ADAMTS4: variants seen among roughly 807,000 people sequenced by gnomAD.
The protein encoded by ADAMTS4 is ADAM metallopeptidase with thrombospondin type 1 motif 4, also known as A disintegrin and metalloproteinase with thrombospondin motifs 4.
In ADAMTS4, 38 loss-of-function variants were observed where a neutral mutation model predicts 66.7. The ratio of observed to expected loss-of-function variants is 0.57; its 90% CI spans 0.44 to 0.75. The LOEUF (loss-of-function observed/expected upper bound fraction) is 0.75, where lower values mean the gene tolerates loss of function less well. ADAMTS4 is among the 30% of genes least tolerant of loss of function. The pLI, the probability that ADAMTS4 is intolerant of heterozygous loss-of-function variation, is 0.00. For missense variants in ADAMTS4, 1,014 were observed against 1,116.7 expected (o/e 0.91, Z 1.31); for synonymous variants, 418 against 461.5 (o/e 0.91, Z 1.21).
chr1:161,197,900 C>A, intron 1 of ADAMTS4, 95 bp downstream of exon 1: 1 of 1,494,232 alleles, frequency 6.7e-7, no homozygotes, highest in South Asian at 1.4e-5. Flanking sequence ...GCAGAACGGC[C>A]AGAAGTGTAA....
Position 161,198,331 on chromosome 1 carries a change from G to A in ADAMTS4, c.297C>T (p.Asp99=). 2 of 1,613,300 alleles carry A rather than the reference G, an allele frequency of 1.2e-6. No homozygotes were observed. Among genetic ancestry groups the A allele is most frequent in the Non-Finnish European group, 1.7e-6 (2 of 1,180,006 alleles). ...TCAGCCCCTCGACCTGCACACCGGA[G>A]TCCTGCTCCAGCTCTAGTAGCAGCG... ...GETLLLELEQ[D]SGVQVEGLTV... The change falls in exon 1 of 9, where the codon GAC becomes GAT. Residue 99 remains aspartate, a synonymous_variant. Coordinates refer to ENST00000367996, the MANE Select transcript of ADAMTS4 (RefSeq NM_005099.6). The surrounding 1 kb of genome is among the most constrained non-coding windows in gnomAD (Gnocchi z 4.7).
intron 7 of ADAMTS4, 57 bp from the exon 8 acceptor site, chr1:161,192,297 T>G: frequency 3.2e-5 from 49 of 1,548,994 alleles, no homozygotes; most frequent in Non-Finnish European, 4.1e-5. Context: ...AAGGGGTTGG[T>G]AAATCAAACG....
rs765152157 is a variant in ADAMTS4, at chr1:161,195,541, C to T, written c.1185G>A (p.Met395Ile). 5.2e-5 allele frequency: 84 copies of T among 1,613,902 alleles called. No homozygotes were observed. Among genetic ancestry groups the T allele is most frequent in the Non-Finnish European group, 6.9e-5 (82 of 1,179,950 alleles). Residue 395 changes from methionine (M) to isoleucine (I), a missense_variant, in exon 4 of 9, where the codon ATG (methionine) becomes ATA (isoleucine). Met to Ile is a conservative substitution (Grantham distance 10). Coordinates refer to ENST00000367996, the MANE Select transcript of ADAMTS4 (RefSeq NM_005099.6). ...AGGGCTCCTCAGGATCCACATGAGC[C>T]ATCACAGGGGCCATGACATGGCGAG... ...STSRHVMAPV[M>I]AHVDPEEPWS...
intron 1 of ADAMTS4, 72 bp from the exon 2 acceptor site, chr1:161,196,952 C>T: frequency 7.4e-7 from 1 of 1,355,490 alleles, no homozygotes; most frequent in Non-Finnish European, 1.0e-6. Flanking sequence ...TTCTCCAATC[C>T]CTCACTTCCT....
chr1:161,196,301 G>C lies in ADAMTS4; in HGVS notation c.960C>G (p.Asp320Glu). The stretch of plus-strand genomic sequence containing the variant: ...TGTCGCAAGTGGAGACTCCACACAG[G>C]TCCTGTGGAGAGGGATCATAGAAGG... ...FDTAILFTRQ[D>E]LCGVSTCDTL... Residue 320 changes from aspartate to glutamate, a missense_variant and splice_region_variant, in exon 3 of 9, where the codon GAC becomes GAG. Physicochemically the swap from Asp to Glu is conservative, Grantham distance 45 (BLOSUM62 2). Transcript: ENST00000367996. 1 of 1,607,760 alleles carries C rather than the reference G, an allele frequency of 6.2e-7. No individual in the cohort carries two copies. Among genetic ancestry groups the C allele is most frequent in the Non-Finnish European group, 8.5e-7 (1 of 1,177,054 alleles).
At position 161,191,504 on chromosome 1, in the gene ADAMTS4, C is replaced by A. The variant is rs778890470; in HGVS notation, c.2148G>T (p.Gln716His). The A allele has an allele frequency of 1.9e-6, 3 of 1,614,040 alleles. No homozygotes were observed. Among genetic ancestry groups the A allele is most frequent in the Non-Finnish European group, 2.5e-6 (3 of 1,179,920 alleles). Residue 716 changes from glutamine (Q) to histidine (H), a missense_variant, in exon 9 of 9, where the codon CAG becomes CAT. By Grantham distance (24) the Gln-to-His change is conservative (BLOSUM62 0). Coordinates refer to ENST00000367996, the MANE Select transcript of ADAMTS4 (RefSeq NM_005099.6). ...TGCTCCGGTGGCCAGGGTTTCCCTG[C>A]TGCCGGACAAGAATGTGGGTGGCCC... ...PAGATHILVR[Q>H]QGNPGHRSIY...
chr1:161,196,859 A>T lies in ADAMTS4; in HGVS notation c.655T>A (p.Phe219Ile). The T allele has an allele frequency of 6.2e-7, 1 of 1,604,674 alleles. No individual in the cohort carries two copies. The highest frequency in any genetic ancestry group is 2.2e-5 in the East Asian group (1 of 44,836). Residue 219 changes from phenylalanine (F) to isoleucine (I), a missense_variant, in exon 2 of 9, where the codon TTT (phenylalanine) becomes ATT (isoleucine). Physicochemically the swap from Phe to Ile is conservative, Grantham distance 21. Transcript: ENST00000367996. ...RAKRFASLSRFVETLVVADDK... is the reference protein window; with the variant it reads ...RAKRFASLSRIVETLVVADDK... The stretch of plus-strand genomic sequence containing the variant: ...TCTGCCACCACCAGTGTCTCCACAA[A>T]TCTACTCAGTGAAGCAAAGCGCTGT...
At position 161,194,188 on chromosome 1, in the gene ADAMTS4, A is replaced by C; in HGVS notation, c.1295T>G (p.Leu432Trp). Residue 432 changes from leucine (L) to tryptophan (W), a missense_variant, in exon 5 of 9, where the codon TTG becomes TGG. Physicochemically the swap from Leu to Trp is moderately conservative, Grantham distance 61. Transcript: ENST00000367996. The surrounding 1 kb of genome is among the most constrained non-coding windows in gnomAD (Gnocchi z 4.1). ...GCCAGGGAAAGTCACAGGCAGATGC[A>C]ATGGAGCCTCTGGTTTGTCTAAGAG... ...HCLLDKPEAP[L>W]HLPVTFPGKD... 6.2e-7 allele frequency: 1 copy of C among 1,614,100 alleles called. No homozygotes were observed. The highest frequency in any genetic ancestry group is 8.5e-7 in the Non-Finnish European group (1 of 1,180,010).
rs773491917 is a variant in ADAMTS4, at chr1:161,194,110, C to T, written c.1373G>A (p.Arg458His). 2.8e-5 allele frequency: 46 copies of T among 1,614,098 alleles called. No individual in the cohort carries two copies. The highest frequency in any genetic ancestry group is 3.8e-5 in the Non-Finnish European group (45 of 1,180,042). The part of the protein sequence containing the change: ...QCQLTFGPDS[R>H]HCPQLPPPCA... ...GGGCGGCGGCAGCTGTGGACAATGG[C>T]GTGAGTCGGGCCCGAAGGTCAGCTG... The change falls in exon 5 of 9, where the codon CGC becomes CAC. Residue 458 changes from arginine (R) to histidine (H), a missense_variant. Arg to His is a conservative substitution (Grantham distance 29). Coordinates refer to ENST00000367996, the MANE Select transcript of ADAMTS4 (RefSeq NM_005099.6). The surrounding 1 kb of genome is among the most constrained non-coding windows in gnomAD (Gnocchi z 4.1).
At position 161,198,075 on chromosome 1, in the gene ADAMTS4, T is replaced by G; in HGVS notation, c.553A>C (p.Ser185Arg). 6.2e-7 allele frequency: 1 copy of G among 1,611,440 alleles called. No individual in the cohort carries two copies. The highest frequency in any genetic ancestry group is 1.3e-5 in the African/African-American group (1 of 74,954). ...GPGAHILRRKSPASGQGPMCN... is the reference protein window; with the variant it reads ...GPGAHILRRKRPASGQGPMCN... Reference sequence around the variant, plus strand: ...ATGGGACCTTGACCGCTGGCAGGACTCTTCCGGCGTAGGATGTGAGCCCCA... The same window carrying G: ...ATGGGACCTTGACCGCTGGCAGGACGCTTCCGGCGTAGGATGTGAGCCCCA... The change falls in exon 1 of 9, where the codon AGT becomes CGT. Residue 185 changes from serine (S) to arginine (R), a missense_variant. Transcript: ENST00000367996. The surrounding 1 kb of genome is among the most constrained non-coding windows in gnomAD (Gnocchi z 4.7).
rs4233366 is a variant in ADAMTS4 at position 161,189,357 on chromosome 1, C to T, written c.*1781G>A. On this transcript the variant is annotated 3_prime_UTR_variant, in exon 9 of 9. Coordinates refer to ENST00000367996, the MANE Select transcript of ADAMTS4 (RefSeq NM_005099.6). ...AGACCCGCTGGCTCCCACTCCAGTG[C>T]TCTTTCTACTGTTGTGAAACCCAGA... The T allele has an allele frequency of 0.32, 48,211 of 151,956 alleles. 8,040 individuals are homozygous for T. The highest frequency in any genetic ancestry group is 0.48 in the East Asian group (2,466 of 5,158). The allele number at this position is 151,956 out of a possible 1,614,324, so 9.4% of individuals were successfully genotyped here.
Position 161,188,305 on chromosome 1 carries a change from T to C in ADAMTS4, c.*2833A>G, listed in dbSNP as rs1272454046. 2 of 147,390 alleles carry C rather than the reference T, an allele frequency of 1.4e-5. No homozygotes were observed. The highest frequency in any genetic ancestry group is 1.4e-4 in the Admixed American group (2 of 14,500). 9.1% of individuals were successfully genotyped at this position (147,390 alleles called of 1,614,324 possible). A position where few individuals can be genotyped will look rare whatever the true frequency, so the allele number is the denominator to read the frequency against. On this transcript the variant is annotated 3_prime_UTR_variant, in exon 9 of 9. Transcript: ENST00000367996. ...CCAGGCTGGAGTATAGTGGCATGAT[T>C]GTAGCTCACCATAGCCTCGAAATCG...
chr1:161,196,679 G>A lies in ADAMTS4; in HGVS notation c.835C>T (p.Pro279Ser). 6.2e-7 allele frequency: 1 copy of A among 1,613,962 alleles called. No homozygotes were observed. The highest frequency in any genetic ancestry group is 8.5e-7 in the Non-Finnish European group (1 of 1,179,982). The change falls in exon 2 of 9, where the codon CCC becomes TCC. Residue 279 changes from proline (P) to serine (S), a missense_variant. Pro to Ser is a moderately conservative substitution (Grantham distance 74). Coordinates refer to ENST00000367996, the MANE Select transcript of ADAMTS4 (RefSeq NM_005099.6). ...LVILGSGEEG[P>S]QVGPSAAQTL... ...TGGGCAGCACTGGGCCCCACTTGGG[G>A]CCCCTCCTCGCCTGACCCCAGGATC...
At position 161,185,957 on chromosome 1, in the gene ADAMTS4, A is replaced by G. The variant is rs1340533371; in HGVS notation, c.*5181T>C. The G allele has an allele frequency of 6.6e-6, 1 of 152,234 alleles. No homozygotes were observed. Among genetic ancestry groups the G allele is most frequent in the Non-Finnish European group, 1.5e-5 (1 of 68,048 alleles). The allele number at this position is 152,234 out of a possible 1,614,324, so 9.4% of individuals were successfully genotyped here. ...CCTCCCCCACCTCAAACACATACTCATGCACAACACTTGCCATCTCATAAA... is the reference window on the plus strand; with the variant it reads ...CCTCCCCCACCTCAAACACATACTCGTGCACAACACTTGCCATCTCATAAA... On this transcript the variant is annotated 3_prime_UTR_variant, in exon 9 of 9. Transcript: ENST00000367996.
chr1:161,195,717 T>G, intron 3 of ADAMTS4, 82 bp from the exon 4 acceptor site: 1 of 1,398,980 alleles, frequency 7.1e-7, no homozygotes, highest in Non-Finnish European at 9.8e-7. Context: ...TGGCTGCAGC[T>G]GTGGATGATC....
In ADAMTS4 at chr1:161,193,342, G is replaced by A. The variant is rs751145049; in HGVS notation, c.1782C>T (p.Thr594=). 6.2e-6 allele frequency: 10 copies of A among 1,613,848 alleles called. No homozygotes were observed. In the East Asian group the frequency reaches 6.7e-5, roughly 11 times the overall value. Residue 594 remains threonine, a synonymous_variant, in exon 7 of 9, where the codon ACC becomes ACT. Transcript: ENST00000367996. This position sits in a 1 kb window ranked among gnomAD's most constrained non-coding sequence, Gnocchi z 4.4. The part of the protein sequence containing the change: ...EEQCAAYNHR[T]DLFKSFPGPM... ...GCCCTGGGAAGCTCTTGAAGAGGTC[G>A]GTGCGGTGGTTGTAGGCAGCACACT...
At chr1:161,196,922 C>A (rs1043954703) in intron 1 of ADAMTS4, 42 bp from the exon 2 acceptor site, 1 of 1,530,862 alleles carries the variant, frequency 6.5e-7, no homozygotes, top group Middle Eastern at 1.9e-4. Flanking sequence ...AATAGCCTCT[C>A]AGACCCATGG....
At chr1:161,196,932 G>A in intron 1 of ADAMTS4, 52 bp from the exon 2 acceptor site, 1 of 1,492,830 alleles carries the variant, frequency 6.7e-7, no homozygotes, top group African/African-American at 1.4e-5. Flanking sequence ...CAGACCCATG[G>A]GTCGGTCGAT....
At position 161,193,646 on chromosome 1, in the gene ADAMTS4, C is replaced by T. The variant is rs1256782950; in HGVS notation, c.1729G>A (p.Gly577Ser). The T allele has an allele frequency of 5.0e-6, 8 of 1,610,236 alleles. No individual in the cohort carries two copies. Among genetic ancestry groups the T allele is most frequent in the Non-Finnish European group, 5.9e-6 (7 of 1,177,724 alleles). Residue 577 changes from glycine (G) to serine (S), a missense_variant, in exon 6 of 9, where the codon GGC (glycine) becomes AGC (serine). Physicochemically the swap from Gly to Ser is moderately conservative, Grantham distance 56. Coordinates refer to ENST00000367996, the MANE Select transcript of ADAMTS4 (RefSeq NM_005099.6). This position sits in a 1 kb window ranked among gnomAD's most constrained non-coding sequence, Gnocchi z 4.4. ...RSCNTEDCPT[G>S]SALTFREEQC... ...CATCCCCCCTACTCCTCACCTGAGC[C>T]AGTTGGGCAGTCCTCAGTGTTGCAG...
Sources: gnomAD v4.1 joint callset for allele counts on GRCh38, gnomAD v4.1.1 for gene constraint, Gnocchi (gnomAD v3.1) non-coding constraint, MANE v1.5 for transcripts, NCBI Gene and HGNC (gene_info 2026-07-23, HGNC 2026-07-21) for gene names.